Variants in ARHGAP21 observed in about 807,000 individuals in gnomAD.
The protein encoded by ARHGAP21 is rho GTPase-activating protein 21.
ARHGAP21 carries 38 observed loss-of-function variants against 164.6 expected under a neutral mutation model. That is an observed-to-expected ratio of 0.23 (90% confidence interval 0.18 to 0.30). The LOEUF (loss-of-function observed/expected upper bound fraction) is 0.30. Among genes scored for constraint, ARHGAP21 ranks in the 10% least tolerant of loss-of-function variants. ARHGAP21 has a pLI of 1.00. For synonymous variants in ARHGAP21, 766 were observed against 857.9 expected (o/e 0.89, Z 1.87); for missense variants, 1,822 against 2,370.7 (o/e 0.77, Z 4.81).
chr10:24,690,647 G>A (rs1427423447), intron 2 of ARHGAP21, among the ~76,000 whole-genome samples: 1 of 151,904 alleles, frequency 6.6e-6, no homozygotes, highest in East Asian at 1.9e-4. Flanking sequence ...TGATCAACAT[G>A]GTGAAACCCT....
At chr10:24,622,696 T>G in intron 8 of ARHGAP21, 37 bp downstream of exon 8, 1 of 1,595,058 alleles carries the variant, frequency 6.3e-7, no homozygotes, top group Non-Finnish European at 8.5e-7. Flanking sequence ...AAAACATGAC[T>G]TAAAAAGCAA....
intron 2 of ARHGAP21, among the ~76,000 whole-genome samples, chr10:24,686,770 C>A (rs909842851): frequency 6.6e-6 from 1 of 152,226 alleles, no homozygotes; most frequent in East Asian, 1.9e-4. Context: ...CGGCACATCC[C>A]TGCAGATGAG....
intron 2 of ARHGAP21, among the ~76,000 whole-genome samples, chr10:24,689,418 T>C (rs953548261): frequency 6.6e-6 from 1 of 152,168 alleles, no homozygotes; most frequent in African/African-American, 2.4e-5. Context: ...TCGAGACATA[T>C]ACATATTCTT....
chr10:24,712,433 C>T (rs1314419435), intron 2 of ARHGAP21, among the ~76,000 whole-genome samples: 3 of 152,180 alleles, frequency 2.0e-5, no homozygotes, highest in Non-Finnish European at 2.9e-5. Context: ...TCCACGCATG[C>T]TCAAGTTCCT....
chr10:24,621,337 G>A lies in ARHGAP21; in HGVS notation c.558C>T (p.Asn186=), dbSNP rs778386607. 55 of 1,607,074 alleles carry A rather than the reference G, an allele frequency of 3.4e-5. No homozygotes were observed. The highest frequency in any genetic ancestry group is 2.5e-4 in the East Asian group (11 of 44,774). ...TGCGGGCATTGCCGCTATAAGCTTCGTTGCCTTTCAGGTAGGCATCTTGAG... is the reference window on the plus strand; with the variant it reads ...TGCGGGCATTGCCGCTATAAGCTTCATTGCCTTTCAGGTAGGCATCTTGAG... ...AYSQDAYLKG[N]EAYSGNARNI... is the part of the protein sequence containing the mutation. The change falls in exon 9 of 26, where the codon AAC becomes AAT. Residue 186 remains asparagine, a synonymous_variant. Coordinates refer to ENST00000396432, the MANE Select transcript of ARHGAP21 (RefSeq NM_020824.4).
At chr10:24,597,125 T>G (rs1357031091) in intron 16 of ARHGAP21, among the ~76,000 whole-genome samples, 1 of 152,090 alleles carries the variant, frequency 6.6e-6, no homozygotes, top group African/African-American at 2.4e-5. Context: ...GTGTGTCATC[T>G]TTATAGTGAG....
At chr10:24,605,076 A>C (rs2076967404) in intron 11 of ARHGAP21, among the ~76,000 whole-genome samples, 3 of 152,160 alleles carry the variant, frequency 2.0e-5, no homozygotes, top group Non-Finnish European at 4.4e-5. Flanking sequence ...TCAAACAACA[A>C]TGTAATCAGA....
At chr10:24,709,582 A>T (rs1413485204) in intron 2 of ARHGAP21, among the ~76,000 whole-genome samples, 1 of 152,150 alleles carries the variant, frequency 6.6e-6, no homozygotes, top group South Asian at 2.1e-4. Context: ...TACAAAAAAA[A>T]TTTAAAAATT....
At chr10:24,674,814 G>A (rs1841056842) in intron 2 of ARHGAP21, among the ~76,000 whole-genome samples, 1 of 152,146 alleles carries the variant, frequency 6.6e-6, no homozygotes, top group South Asian at 2.1e-4. Flanking sequence ...TCATGTATCT[G>A]ATAAAGGACT....
At chr10:24,680,301 T>C (rs1277781770) in intron 2 of ARHGAP21, among the ~76,000 whole-genome samples, 1 of 152,226 alleles carries the variant, frequency 6.6e-6, no homozygotes, top group Non-Finnish European at 1.5e-5. Flanking sequence ...TTCCTTTTCC[T>C]GTGGGACTCA....
intron 2 of ARHGAP21, among the ~76,000 whole-genome samples, chr10:24,677,932 A>G (rs1565149390): frequency 6.6e-6 from 1 of 152,140 alleles, no homozygotes; most frequent in Non-Finnish European, 1.5e-5. Flanking sequence ...TAAGCTTCTC[A>G]TTTTGAGACA....
At chr10:24,682,515 G>C (rs1841865788) in intron 2 of ARHGAP21, among the ~76,000 whole-genome samples, 1 of 152,036 alleles carries the variant, frequency 6.6e-6, no homozygotes, top group South Asian at 2.1e-4. Flanking sequence ...AGGATTCTTT[G>C]ACAGGGTATT....
At chr10:24,602,509 C>T (rs1202461857) in intron 12 of ARHGAP21, among the ~76,000 whole-genome samples, 2 of 152,058 alleles carry the variant, frequency 1.3e-5, no homozygotes, top group African/African-American at 4.8e-5. Flanking sequence ...AAATAAGGAG[C>T]CAGCCATAAA....
In ARHGAP21 at chr10:24,621,051, C is replaced by T; in HGVS notation, c.844G>A (p.Val282Ile). The change falls in exon 9 of 26, where the codon GTA (valine) becomes ATA (isoleucine). Residue 282 changes from valine to isoleucine, a missense_variant. Val to Ile is a conservative substitution (Grantham distance 29). Coordinates refer to ENST00000396432, the MANE Select transcript of ARHGAP21 (RefSeq NM_020824.4). ...RTVIVPSEKV[V>I]DLLSNRNNHT... ...TTGTTTCTATTGGATAACAAATCTA[C>T]AACCTTCTCAGAAGGCACAATGACA... is the stretch of plus-strand genomic sequence containing the variant. 6.2e-7 allele frequency: 1 copy of T among 1,614,018 alleles called. No individual in the cohort carries two copies. Among genetic ancestry groups the T allele is most frequent in the Non-Finnish European group, 8.5e-7 (1 of 1,179,872 alleles).
chr10:24,584,165 A>G lies in ARHGAP21; in HGVS notation c.*247T>C, dbSNP rs745733044. 10 of 189,198 alleles carry G rather than the reference A, an allele frequency of 5.3e-5. No individual in the cohort carries two copies. The highest frequency in any genetic ancestry group is 9.5e-5 in the Non-Finnish European group (9 of 94,880). The allele number at this position is 189,198 out of a possible 1,614,324, so 11.7% of individuals were successfully genotyped here. ...CAGTGATTTTGGGTATATGCTATGTAGTAAGTTGCAACAAATACCTTGCTC... is the reference window on the plus strand; with the variant it reads ...CAGTGATTTTGGGTATATGCTATGTGGTAAGTTGCAACAAATACCTTGCTC... On this transcript the variant is annotated 3_prime_UTR_variant, in exon 26 of 26. Transcript: ENST00000396432.
At chr10:24,672,948 A>G (rs923700776) in intron 2 of ARHGAP21, among the ~76,000 whole-genome samples, 1 of 152,238 alleles carries the variant, frequency 6.6e-6, no homozygotes, top group African/African-American at 2.4e-5. Context: ...TTTTTAAAAT[A>G]CCATTTATAA....
chr10:24,652,436 C>T (rs1467553486), intron 4 of ARHGAP21, among the ~76,000 whole-genome samples: 1 of 152,018 alleles, frequency 6.6e-6, no homozygotes, highest in Non-Finnish European at 1.5e-5. Context: ...AAAATTCTTA[C>T]CTAGAACTCA....
chr10:24,629,902 T>C (rs769423000), intron 7 of ARHGAP21, 94 bp downstream of exon 7: 12 of 919,876 alleles, frequency 1.3e-5, no homozygotes, highest in Non-Finnish European at 2.1e-5. Context: ...TCTAGAATTT[T>C]TTTTAAATTC....
chr10:24,681,055 T>C (rs761037360), intron 2 of ARHGAP21, among the ~76,000 whole-genome samples: 26 of 152,230 alleles, frequency 1.7e-4, no homozygotes, highest in Non-Finnish European at 2.9e-4. Context: ...AAATTAGATA[T>C]AACAACTAGA....
Sources: gnomAD v4.1 joint callset for allele counts (sites outside exome capture counted in the v4.1 genomes callset) on GRCh38, gnomAD v4.1.1 for gene constraint, MANE v1.5 for transcripts, NCBI Gene and HGNC (gene_info 2026-07-23, HGNC 2026-07-21) for gene names.